The following CACNA1C variants were observed in gnomAD, a reference collection of about 807,000 sequenced individuals.
CACNA1C encodes calcium voltage-gated channel subunit alpha1 C, also known as voltage-dependent L-type calcium channel subunit alpha-1C.
Under a neutral mutation model 229.0 loss-of-function variants are expected in CACNA1C, and 30 were observed. The ratio of observed to expected loss-of-function variants is 0.13; its 90% CI spans 0.10 to 0.18. The LOEUF (loss-of-function observed/expected upper bound fraction) is 0.18. Ranked by LOEUF, CACNA1C falls within the 10% of genes least tolerant of loss-of-function variation. The pLI is 1.00. For synonymous variants in CACNA1C, 1,114 were observed against 1,132.5 expected (o/e 0.98, Z 0.33); for missense variants, 1,658 against 2,845.0 (o/e 0.58, Z 9.49).
At chr12:2,434,211 C>A (rs559692790) in intron 3 of CACNA1C, among the ~76,000 whole-genome samples, 18 of 152,222 alleles carry the variant, frequency 1.2e-4, no homozygotes, top group African/African-American at 4.1e-4. Context: ...ACCTGTCAGG[C>A]CTGACCCCCC....
intron 39 of CACNA1C, 94 bp from the exon 40 acceptor site, chr12:2,677,000 A>G (rs1442843156): frequency 9.5e-7 from 1 of 1,056,982 alleles, no homozygotes; most frequent in Non-Finnish European, 1.4e-6. Context: ...TTAAAGTTTT[A>G]AAAAGTTTTG....
chr12:2,415,494 T>C (rs2098871178), intron 3 of CACNA1C, among the ~76,000 whole-genome samples: 1 of 152,232 alleles, frequency 6.6e-6, no homozygotes, highest in African/African-American at 2.4e-5. Flanking sequence ...ATACTTTATG[T>C]ATTTTCTCCA....
chr12:2,243,423 C>G (rs2071487043), intron 3 of CACNA1C, among the ~76,000 whole-genome samples: 1 of 152,196 alleles, frequency 6.6e-6, no homozygotes, highest in Admixed American at 6.5e-5. Flanking sequence ...CCTGGTGGCT[C>G]ATAGTCCTAA....
At position 2,585,227 on chromosome 12, in the gene CACNA1C, G is replaced by C; in HGVS notation, c.2340-149G>C. ...TAGCACTTGTGACTGAGCTGCACAC[G>C]AGAAGCGTCCTGGAGAAAGGAAGAT... is the stretch of plus-strand genomic sequence containing the variant. On this transcript the variant is annotated intron_variant, in intron 16 of 46. Transcript: ENST00000399655. This position sits in a 1 kb window ranked among gnomAD's most constrained non-coding sequence, Gnocchi z 4.1. 1 of 674,056 alleles carries C rather than the reference G, an allele frequency of 1.5e-6. No individual in the cohort carries two copies. 41.8% of individuals were successfully genotyped at this position (674,056 alleles called of 1,614,324 possible). A position where few individuals can be genotyped will look rare whatever the true frequency, so the allele number is the denominator to read the frequency against.
Position 2,370,419 on chromosome 12 carries a change from T to C in CACNA1C, c.478-78557T>C, listed in dbSNP as rs111234698. Among the ~76,000 whole-genome samples, 660 of 152,334 alleles carry C rather than the reference T, an allele frequency of 4.3e-3. 7 individuals are homozygous for C. Among genetic ancestry groups the C allele is most frequent in the African/African-American group, 0.015 (636 of 41,572 alleles). On this transcript the variant is annotated intron_variant, in intron 3 of 46. Transcript: ENST00000399655. Reference sequence around the variant, plus strand: ...GTATAATGATGTTCATTTCAGCTCATGTATAACAGCAAGAAAAGAGGAGAG... The same window carrying C: ...GTATAATGATGTTCATTTCAGCTCACGTATAACAGCAAGAAAAGAGGAGAG...
At chr12:2,066,999 A>AG (rs2059489859) in intron 1 of CACNA1C, among the ~76,000 whole-genome samples, 1 of 152,106 alleles carries the variant, frequency 6.6e-6, no homozygotes, top group South Asian at 2.1e-4. Flanking sequence ...GAAATCCACA[A>AG]GGGTGCCCAG....
At chr12:1,995,033 G>A (rs1048112625) in intron 1 of CACNA1C, among the ~76,000 whole-genome samples, 1 of 151,810 alleles carries the variant, frequency 6.6e-6, no homozygotes, top group Non-Finnish European at 1.5e-5. Flanking sequence ...CATTCTTGAG[G>A]AGTTAGATTT....
chr12:2,609,952 C>T (rs1485572398), intron 27 of CACNA1C, among the ~76,000 whole-genome samples: 9 of 151,990 alleles, frequency 5.9e-5, no homozygotes, highest in African/African-American at 1.9e-4. Flanking sequence ...GGTGAAACCC[C>T]GTCTCTACTA....
In CACNA1C at chr12:2,566,470, C is replaced by T. The variant is rs186720824; in HGVS notation, c.1557C>T (p.Ala519=). 3.4e-5 allele frequency: 54 copies of T among 1,595,978 alleles called. No individual in the cohort carries two copies. The highest frequency in any genetic ancestry group is 5.7e-5 in the South Asian group (5 of 87,462). ...WNRFCRRKCR[A]AVKSNVFYWL... ...GGTTCTGCAGAAGGAAGTGCCGCGC[C>T]GCAGTCAAGTCTAATGTCTTCTACT... is the stretch of plus-strand genomic sequence containing the variant. The change falls in exon 12 of 47, where the codon GCC becomes GCT. Residue 519 remains alanine, a synonymous_variant. Coordinates refer to ENST00000399655, the MANE Select transcript of CACNA1C (RefSeq NM_000719.7). The surrounding 1 kb of genome is among the most constrained non-coding windows in gnomAD (Gnocchi z 4.0).
At chr12:2,641,445 A>C (rs1191351971) in intron 30 of CACNA1C, 3 of 481,134 alleles carry the variant, frequency 6.2e-6, no homozygotes, top group Non-Finnish European at 1.1e-5. Flanking sequence ...ACATAGATTA[A>C]ATCAAGTTCC....
chr12:2,040,977 G>C (rs1024421685), intron 1 of CACNA1C, among the ~76,000 whole-genome samples: 1 of 152,164 alleles, frequency 6.6e-6, no homozygotes, highest in South Asian at 2.1e-4. Context: ...TCTAATACCT[G>C]ACACTTTTGT....
At chr12:2,280,116 G>A (rs1002740995) in intron 3 of CACNA1C, among the ~76,000 whole-genome samples, 12 of 152,134 alleles carry the variant, frequency 7.9e-5, no homozygotes, top group African/African-American at 2.9e-4. Flanking sequence ...TGCTGTTGAT[G>A]CCTTGCTGTG....
intron 3 of CACNA1C, among the ~76,000 whole-genome samples, chr12:2,304,296 C>T (rs1420250359): frequency 3.3e-5 from 5 of 152,254 alleles, no homozygotes; most frequent in African/African-American, 9.6e-5. Context: ...AGCTGGAGGG[C>T]GGTCCAGCCT....
chr12:2,349,407 C>T (rs1225599984), intron 3 of CACNA1C, among the ~76,000 whole-genome samples: 1 of 152,070 alleles, frequency 6.6e-6, no homozygotes, highest in African/African-American at 2.4e-5. Context: ...CAATTGGAAT[C>T]ATCGTTTTTT....
intron 30 of CACNA1C, among the ~76,000 whole-genome samples, chr12:2,643,723 A>T (rs1350190005): frequency 6.6e-6 from 1 of 151,738 alleles, no homozygotes; most frequent in African/African-American, 2.4e-5. Flanking sequence ...CCCCACACAC[A>T]CCCTTAACCT....
chr12:2,243,866 C>T (rs2071754457), intron 3 of CACNA1C, among the ~76,000 whole-genome samples: 1 of 152,200 alleles, frequency 6.6e-6, no homozygotes. Context: ...TATAACAGTA[C>T]TGGTAGGAGC....
intron 1 of CACNA1C, among the ~76,000 whole-genome samples, chr12:2,022,951 T>G (rs76415120): frequency 0.029 from 4,477 of 152,104 alleles, 95 homozygotes; most frequent in Non-Finnish European, 0.044. Context: ...TCTACCCAGG[T>G]TTAGCTTTGA....
At chr12:2,172,608 C>T (rs2096528724) in intron 3 of CACNA1C, among the ~76,000 whole-genome samples, 1 of 152,190 alleles carries the variant, frequency 6.6e-6, no homozygotes, top group Non-Finnish European at 1.5e-5. Flanking sequence ...AAGATGGCAT[C>T]CAACGTTAAG....
Position 2,493,069 on chromosome 12 carries a change from C to T in CACNA1C, c.917-121C>T. On this transcript the variant is annotated intron_variant, in intron 6 of 46. Transcript: ENST00000399655. This position sits in a 1 kb window ranked among gnomAD's most constrained non-coding sequence, Gnocchi z 4.6. The stretch of plus-strand genomic sequence containing the variant: ...TTAAACATGTCTTGCGCTGTTGTTG[C>T]CATGGTTGCTTTGCCCATCCCATCA... 1 of 736,010 alleles carries T rather than the reference C, an allele frequency of 1.4e-6. No individual in the cohort carries two copies. Among genetic ancestry groups the T allele is most frequent in the Admixed American group, 2.6e-5 (1 of 39,036 alleles). 45.6% of individuals were successfully genotyped at this position (736,010 alleles called of 1,614,324 possible).
Sources: allele counts gnomAD v4.1 joint callset (sites outside exome capture counted in the v4.1 genomes callset), GRCh38; gene constraint gnomAD v4.1.1; non-coding constraint Gnocchi (gnomAD v3.1); transcripts MANE v1.5; gene names NCBI Gene and HGNC (gene_info 2026-07-23, HGNC 2026-07-21).